The following CUL9 variants were observed in gnomAD, a reference collection of about 807,000 sequenced individuals.
CUL9 encodes cullin-9.
Under a neutral mutation model 272.6 loss-of-function variants are expected in CUL9, and 79 were observed. That is an observed-to-expected ratio of 0.29 (90% CI 0.24 to 0.35). The LOEUF is 0.35. Among genes scored for constraint, CUL9 ranks in the 10% least tolerant of loss-of-function variants. The pLI, the probability that CUL9 is intolerant of heterozygous loss-of-function variation, is 1.00. For synonymous variants in CUL9, 1,186 were observed against 1,286.5 expected, an observed-to-expected ratio of 0.92 and a Z score of 1.67; for missense variants, 2,532 against 3,255.6, an observed-to-expected ratio of 0.78 and a Z score of 5.41.
In CUL9 at chr6:43,200,287, C is replaced by T; in HGVS notation, c.3384+131C>T. On this transcript the variant is annotated intron_variant, in intron 14 of 40. Transcript: ENST00000252050. The surrounding 1 kb of genome is among the most constrained non-coding windows in gnomAD (Gnocchi z 4.0). ...CAAATCTGGGGCACTTGTTTCCTAA[C>T]CTTGACTCCACATGGTTCTGTCAAA... The T allele has an allele frequency of 6.8e-7, 1 of 1,478,214 alleles. No individual in the cohort carries two copies. Among genetic ancestry groups the T allele is most frequent in the Non-Finnish European group, 9.3e-7 (1 of 1,079,358 alleles). The allele number at this position is 1,478,214 out of a possible 1,614,324, so 91.6% of individuals were successfully genotyped here.
rs1318442148 is a variant in CUL9, at chr6:43,213,051, C to A, written c.5213-98C>A. The A allele has an allele frequency of 5.9e-6, 8 of 1,362,348 alleles. No homozygotes were observed. Among genetic ancestry groups the A allele is most frequent in the African/African-American group, 2.9e-5 (2 of 69,104 alleles). 84.4% of individuals were successfully genotyped at this position (1,362,348 alleles called of 1,614,324 possible). On this transcript the variant is annotated intron_variant, in intron 26 of 40. Transcript: ENST00000252050. This position sits in a 1 kb window ranked among gnomAD's most constrained non-coding sequence, Gnocchi z 5.7. ...TCTGAAAATGCTGGGGCCCTCCTCC[C>A]CATAGGGACTAGTAGGAGCAAAGCT...
In CUL9 at chr6:43,221,498, G is replaced by C; in HGVS notation, c.6752+177G>C. On this transcript the variant is annotated intron_variant, in intron 34 of 40. Transcript: ENST00000252050. The surrounding 1 kb of genome is among the most constrained non-coding windows in gnomAD (Gnocchi z 4.2). ...GATCTTAATGTTCCTTCTCCCACTC[G>C]TAAGTCCACACTGACTGGGGGAGTT... 1 of 893,512 alleles carries C rather than the reference G, an allele frequency of 1.1e-6. No homozygotes were observed. The highest frequency in any genetic ancestry group is 1.7e-6 in the Non-Finnish European group (1 of 596,816). 55.3% of individuals were successfully genotyped at this position (893,512 alleles called of 1,614,324 possible). A position where few individuals can be genotyped will look rare whatever the true frequency, so the allele number is the denominator to read the frequency against.
At chr6:43,204,091 T>A in intron 20 of CUL9, 104 bp downstream of exon 20, 1 of 1,406,156 alleles carries the variant, frequency 7.1e-7, no homozygotes, top group Non-Finnish European at 9.6e-7. Context: ...TCTTTATCCC[T>A]GAAGGCCTGT....
intron 16 of CUL9, among the ~76,000 whole-genome samples, chr6:43,201,197 C>T (rs535264176): frequency 2.0e-5 from 3 of 152,296 alleles, no homozygotes; most frequent in South Asian, 2.1e-4. Context: ...ACCTACATTC[C>T]AGCTGGGGAG....
chr6:43,206,362 C>T lies in CUL9; in HGVS notation c.5064C>T (p.Ile1688=). ...AGGAAGCTGAGAAAGAATTATTTAT[C>T]GAAGATCCAAGTCCAGCCATTTCTA... The part of the protein sequence containing the change: ...EEEEAEKELF[I]EDPSPAISIL... The change falls in exon 26 of 41, where the codon ATC becomes ATT. Residue 1688 remains isoleucine, a synonymous_variant. Transcript: ENST00000252050. The surrounding 1 kb of genome is among the most constrained non-coding windows in gnomAD (Gnocchi z 4.8). The T allele has an allele frequency of 5.0e-6, 8 of 1,614,120 alleles. No homozygotes were observed. The highest frequency in any genetic ancestry group is 6.8e-6 in the Non-Finnish European group (8 of 1,180,016).
intron 8 of CUL9, chr6:43,188,938 A>G (rs1773167236): frequency 1.1e-5 from 5 of 441,238 alleles, no homozygotes; most frequent in Non-Finnish European, 2.0e-5. Context: ...GCATTCTCTC[A>G]TTAAATCCAC....
rs1418397742 is a variant in CUL9, at chr6:43,198,591, T to C, written c.2804-18T>C. 6.2e-7 allele frequency: 1 copy of C among 1,612,790 alleles called. No homozygotes were observed. Among genetic ancestry groups the C allele is most frequent in the Admixed American group, 1.7e-5 (1 of 59,988 alleles). On this transcript the variant is annotated intron_variant, in intron 11 of 40. Coordinates refer to ENST00000252050, the MANE Select transcript of CUL9 (RefSeq NM_015089.4). ...GACTCTTCATCCACATTTTTCCCTC[T>C]GGTGTGTCTGGCTGCAGCACTAGAG...
Position 43,220,652 on chromosome 6 carries a change from C to T in CUL9, c.6423+53C>T. The T allele has an allele frequency of 6.2e-7, 1 of 1,608,990 alleles. No individual in the cohort carries two copies. The highest frequency in any genetic ancestry group is 8.5e-7 in the Non-Finnish European group (1 of 1,177,002). ...CAGTGCAGAGCCAAAGGAGTGTGCC[C>T]CAGGGAGTGGGCTGAGCTATGGGGT... On this transcript the variant is annotated intron_variant, in intron 32 of 40. Transcript: ENST00000252050. The surrounding 1 kb of genome is among the most constrained non-coding windows in gnomAD (Gnocchi z 4.9).
In CUL9 at chr6:43,218,596, T is replaced by C. The variant is rs1385971643; in HGVS notation, c.6283-1863T>C. ...GCAAGAGTGGAAGCAGGAAGGCCCATTTGGTGACTGTTGTACGAGAGACAA... is the reference window on the plus strand; with the variant it reads ...GCAAGAGTGGAAGCAGGAAGGCCCACTTGGTGACTGTTGTACGAGAGACAA... On this transcript the variant is annotated intron_variant, in intron 31 of 40. Coordinates refer to ENST00000252050, the MANE Select transcript of CUL9 (RefSeq NM_015089.4). This position sits in a 1 kb window ranked among gnomAD's most constrained non-coding sequence, Gnocchi z 4.4. Among the ~76,000 whole-genome samples the C allele has an allele frequency of 2.0e-5, 3 of 152,148 alleles. No homozygotes were observed. The highest frequency in any genetic ancestry group is 4.4e-5 in the Non-Finnish European group (3 of 68,024).
In CUL9 at chr6:43,199,926, C is replaced by T. The variant is rs1045377572; in HGVS notation, c.3157-3C>T. ...AAATTAATCTATGTGGCTCTGGGCTCAGATTGTTCAGGAGCTGACCTGCTT... is the reference window on the plus strand; with the variant it reads ...AAATTAATCTATGTGGCTCTGGGCTTAGATTGTTCAGGAGCTGACCTGCTT... On this transcript the variant is annotated splice_region_variant and splice_polypyrimidine_tract_variant and intron_variant, in intron 13 of 40. Coordinates refer to ENST00000252050, the MANE Select transcript of CUL9 (RefSeq NM_015089.4). This position sits in a 1 kb window ranked among gnomAD's most constrained non-coding sequence, Gnocchi z 4.4. 12 of 1,611,720 alleles carry T rather than the reference C, an allele frequency of 7.4e-6. No individual in the cohort carries two copies. The highest frequency in any genetic ancestry group is 5.0e-5 in the Admixed American group (3 of 59,996).
intron 26 of CUL9, among the ~76,000 whole-genome samples, chr6:43,208,512 A>C (rs1410408373): frequency 6.6e-6 from 1 of 152,144 alleles, no homozygotes; most frequent in Non-Finnish European, 1.5e-5. Context: ...GGCTGTAATC[A>C]GTTTAAATTT....
Position 43,200,231 on chromosome 6 carries a change from CTT to C in CUL9, c.3384+77_3384+78del. 6.7e-7 allele frequency: 1 copy of C among 1,483,904 alleles called. No individual in the cohort carries two copies. Among genetic ancestry groups the C allele is most frequent in the Non-Finnish European group, 9.3e-7 (1 of 1,078,744 alleles). 91.9% of individuals were successfully genotyped at this position (1,483,904 alleles called of 1,614,324 possible). On this transcript the variant is annotated intron_variant, in intron 14 of 40. Coordinates refer to ENST00000252050, the MANE Select transcript of CUL9 (RefSeq NM_015089.4). The surrounding 1 kb of genome is among the most constrained non-coding windows in gnomAD (Gnocchi z 4.0). Reference sequence around the variant, plus strand: ...GGAGAAGGGGATTCACTGTGTTCCTCTTTGGTATCCCTGTTTGGCACAGGTTG... The same window carrying C: ...GGAGAAGGGGATTCACTGTGTTCCTCTGGTATCCCTGTTTGGCACAGGTTG...
Position 43,187,724 on chromosome 6 carries a change from A to G in CUL9, c.1593A>G (p.Glu531=). ...LWKNLDETLG[E]KALGEISVSV... Reference sequence around the variant, plus strand: ...CCTTCTGTTGACAGACCCTGGGTGAAAAGGCCCTAGGTGAGATCTCTGTGT... The same window carrying G: ...CCTTCTGTTGACAGACCCTGGGTGAGAAGGCCCTAGGTGAGATCTCTGTGT... Residue 531 remains glutamate, a synonymous_variant, in exon 7 of 41, where the codon GAA becomes GAG. Transcript: ENST00000252050. 6.2e-7 allele frequency: 1 copy of G among 1,612,486 alleles called. No individual in the cohort carries two copies. The highest frequency in any genetic ancestry group is 8.5e-7 in the Non-Finnish European group (1 of 1,179,826).
chr6:43,222,484 G>C, intron 36 of CUL9, 47 bp from the exon 37 acceptor site: 6 of 1,608,276 alleles, frequency 3.7e-6, no homozygotes, highest in Non-Finnish European at 5.1e-6. Context: ...CCGGGCAGGT[G>C]GTGCTGCGCC....
In CUL9 at chr6:43,206,080, C is replaced by T. The variant is rs1775023056; in HGVS notation, c.4867C>T (p.Leu1623Phe). ...GGGGGCTGTGCTAGAGCAGATTGGC[C>T]TCTGTTTTCCCAACCGCCTCCCACA... Reference protein sequence around the residue: ...LEGAVLEQIGLCFPNRLPQLM... With the variant: ...LEGAVLEQIGFCFPNRLPQLM... The change falls in exon 25 of 41, where the codon CTC (leucine) becomes TTC (phenylalanine). Residue 1623 changes from leucine to phenylalanine, a missense_variant. Around this residue, in one of 3 missense-constraint regions of CUL9, gnomAD observed 2,218 missense variants for 2,788.6 expected, o/e 0.80. Coordinates refer to ENST00000252050, the MANE Select transcript of CUL9 (RefSeq NM_015089.4). The surrounding 1 kb of genome is among the most constrained non-coding windows in gnomAD (Gnocchi z 4.8). 6.2e-7 allele frequency: 1 copy of T among 1,614,218 alleles called. No individual in the cohort carries two copies.
Position 43,224,272 on chromosome 6 carries a change from G to C in CUL9, c.7381G>C (p.Glu2461Gln). 1 of 1,614,218 alleles carries C rather than the reference G, an allele frequency of 6.2e-7. No homozygotes were observed. Among genetic ancestry groups the C allele is most frequent in the Admixed American group, 1.7e-5 (1 of 60,034 alleles). ...GSQPQASSGP[E>Q]AEEEEEDDED... ...TAGGCCCCAGGCCTCCTCAGGGCCAGAGGCAGAAGAGGAGGAGGAAGACGA... is the reference window on the plus strand; with the variant it reads ...TAGGCCCCAGGCCTCCTCAGGGCCACAGGCAGAAGAGGAGGAGGAAGACGA... Residue 2461 changes from glutamate to glutamine, a missense_variant, in exon 41 of 41, where the codon GAG (glutamate) becomes CAG (glutamine). Physicochemically the swap from Glu to Gln is conservative, Grantham distance 29. This residue lies in a region of CUL9 where 237 missense variants were observed against 305.9 expected (regional missense o/e 0.77). Transcript: ENST00000252050. This position sits in a 1 kb window ranked among gnomAD's most constrained non-coding sequence, Gnocchi z 4.2.
Position 43,221,852 on chromosome 6 carries a change from C to A in CUL9, c.6846+74C>A, listed in dbSNP as rs2150654523. 7.7e-7 allele frequency: 1 copy of A among 1,302,902 alleles called. No homozygotes were observed. Among genetic ancestry groups the A allele is most frequent in the Non-Finnish European group, 1.1e-6 (1 of 922,046 alleles). 80.7% of individuals were successfully genotyped at this position (1,302,902 alleles called of 1,614,324 possible). ...AGGGGTGCTGCTACCAGGTCCTGGG[C>A]AGACAGGGCTCCTTGTGCAGTGCAG... On this transcript the variant is annotated intron_variant, in intron 35 of 40. Coordinates refer to ENST00000252050, the MANE Select transcript of CUL9 (RefSeq NM_015089.4). This position sits in a 1 kb window ranked among gnomAD's most constrained non-coding sequence, Gnocchi z 4.2.
chr6:43,223,423 G>A lies in CUL9; in HGVS notation c.7284+26G>A. ...GTACTGCCCGGCCCAGACCCCTTCT[G>A]CTCCTGCATTCTGCGGGAGTTGAGG... is the stretch of plus-strand genomic sequence containing the variant. On this transcript the variant is annotated intron_variant, in intron 39 of 40. Coordinates refer to ENST00000252050, the MANE Select transcript of CUL9 (RefSeq NM_015089.4). This position sits in a 1 kb window ranked among gnomAD's most constrained non-coding sequence, Gnocchi z 4.1. The A allele has an allele frequency of 6.4e-7, 1 of 1,568,800 alleles. No individual in the cohort carries two copies. The highest frequency in any genetic ancestry group is 1.2e-5 in the South Asian group (1 of 86,600).
At chr6:43,204,080 G>C (rs541182368) in intron 20 of CUL9, 93 bp downstream of exon 20, 1 of 1,470,998 alleles carries the variant, frequency 6.8e-7, no homozygotes, top group South Asian at 1.4e-5. Flanking sequence ...TTTGGTTCCT[G>C]TCTTTATCCC....
Sources: gnomAD v4.1 joint callset for allele counts (sites outside exome capture counted in the v4.1 genomes callset) on GRCh38, gnomAD v4.1.1 for gene constraint, gnomAD v4.1.1 regional missense constraint, Gnocchi (gnomAD v3.1) non-coding constraint, MANE v1.5 for transcripts, NCBI Gene and HGNC (gene_info 2026-07-23, HGNC 2026-07-21) for gene names.